DAZAP1: variants seen among roughly 807,000 people sequenced by gnomAD.
The protein encoded by DAZAP1 is DAZ-associated protein 1.
DAZAP1 carries 6 observed loss-of-function variants against 60.1 expected under a neutral mutation model. That is an observed-to-expected ratio of 0.10 (90% CI 0.05 to 0.20). DAZAP1 has a LOEUF of 0.20. Ranked by LOEUF, DAZAP1 falls within the 10% of genes least tolerant of loss-of-function variation. The pLI is 1.00. For missense variants in DAZAP1, 366 were observed against 560.4 expected (o/e 0.65, Z 3.50); for synonymous variants, 235 against 215.9 (o/e 1.09, Z -0.78).
Position 1,425,814 on chromosome 19 carries a change from G to T in DAZAP1, c.464-64G>T. 1 of 1,151,580 alleles carries T rather than the reference G, an allele frequency of 8.7e-7. No homozygotes were observed. Among genetic ancestry groups the T allele is most frequent in the African/African-American group, 1.5e-5 (1 of 65,878 alleles). 71.3% of individuals were successfully genotyped at this position (1,151,580 alleles called of 1,614,324 possible). A position where few individuals can be genotyped will look rare whatever the true frequency, so the allele number is the denominator to read the frequency against. On this transcript the variant is annotated intron_variant, in intron 6 of 11. Transcript: ENST00000233078. The surrounding 1 kb of genome is among the most constrained non-coding windows in gnomAD (Gnocchi z 5.4). ...GATCCCTCGGCCCGTCCCTAATACT[G>T]TTCATCATCCTGTTTTGTGTCACAA... is the stretch of plus-strand genomic sequence containing the variant.
At chr19:1,421,031 C>A in intron 4 of DAZAP1, 117 bp from the exon 5 acceptor site, 3 of 837,478 alleles carry the variant, frequency 3.6e-6, no homozygotes, top group Non-Finnish European at 5.9e-6. Context: ...GAGTGTTCTG[C>A]TCTGGCTTTC....
chr19:1,407,778 A>G lies in DAZAP1; in HGVS notation c.5A>G (p.Asn2Ser). The G allele has an allele frequency of 9.2e-7, 1 of 1,081,394 alleles. No homozygotes were observed. The highest frequency in any genetic ancestry group is 5.4e-5 in the Admixed American group (1 of 18,642). The allele number at this position is 1,081,394 out of a possible 1,614,324, so 67.0% of individuals were successfully genotyped here. ...AGCGTCGCCGCCGCCGCCGCCATGA[A>G]CAACTCGGGCGCCGACGAGATCGGG... M[N>S]NSGADEIGKL... is the part of the protein sequence containing the mutation. The change falls in exon 1 of 12, where the codon AAC becomes AGC. Residue 2 changes from asparagine (N) to serine (S), a missense_variant. Physicochemically the swap from Asn to Ser is conservative, Grantham distance 46 (BLOSUM62 1). Coordinates refer to ENST00000233078, the MANE Select transcript of DAZAP1 (RefSeq NM_018959.4).
At position 1,426,071 on chromosome 19, in the gene DAZAP1, C is replaced by G. The variant is rs2083297239; in HGVS notation, c.546+111C>G. On this transcript the variant is annotated intron_variant, in intron 7 of 11. Coordinates refer to ENST00000233078, the MANE Select transcript of DAZAP1 (RefSeq NM_018959.4). This position sits in a 1 kb window ranked among gnomAD's most constrained non-coding sequence, Gnocchi z 5.4. ...ACGGAAAGGGTCGGGCGAGTTCGTCCTGTGAACCTTTGCTGCGTGAGGTGG... is the reference window on the plus strand; with the variant it reads ...ACGGAAAGGGTCGGGCGAGTTCGTCGTGTGAACCTTTGCTGCGTGAGGTGG... 3 of 831,336 alleles carry G rather than the reference C, an allele frequency of 3.6e-6. No homozygotes were observed. Among genetic ancestry groups the G allele is most frequent in the Non-Finnish European group, 6.3e-6 (3 of 478,420 alleles). The allele number at this position is 831,336 out of a possible 1,614,324, so 51.5% of individuals were successfully genotyped here.
chr19:1,417,283 C>T lies in DAZAP1; in HGVS notation c.30-217C>T, dbSNP rs577071406. On this transcript the variant is annotated intron_variant, in intron 1 of 11. Transcript: ENST00000233078. The stretch of plus-strand genomic sequence containing the variant: ...GCGTGCGGCTCTGTGGCACGGTCCT[C>T]TCCCCATGGCAAGGATTGGGATCAT... 23 of 616,190 alleles carry T rather than the reference C, an allele frequency of 3.7e-5. No homozygotes were observed. The South Asian group carries it at 4.0e-4, about 11-fold the overall frequency. The allele number at this position is 616,190 out of a possible 1,614,324, so 38.2% of individuals were successfully genotyped here.
chr19:1,426,269 C>A lies in DAZAP1; in HGVS notation c.546+309C>A. The A allele has an allele frequency of 2.6e-6, 1 of 380,140 alleles. No homozygotes were observed. Among genetic ancestry groups the A allele is most frequent in the South Asian group, 2.5e-5 (1 of 40,122 alleles). The allele number at this position is 380,140 out of a possible 1,614,324, so 23.5% of individuals were successfully genotyped here. On this transcript the variant is annotated intron_variant, in intron 7 of 11. Transcript: ENST00000233078. The surrounding 1 kb of genome is among the most constrained non-coding windows in gnomAD (Gnocchi z 5.4). ...GGTGTTGGGGCTGGCTCCAGTGAAA[C>A]CGCAGCGTTGCCTCAGGCTTGGTTT...
Position 1,418,714 on chromosome 19 carries a change from C to A in DAZAP1, c.286C>A (p.Arg96=). The change falls in exon 4 of 12, where the codon CGG becomes AGG. Residue 96 remains arginine, a synonymous_variant. Transcript: ENST00000233078. The surrounding 1 kb of genome is among the most constrained non-coding windows in gnomAD (Gnocchi z 5.7). ...CCGGGGGATGCAGCCGGAGAGAACA[C>A]GGCCGAAGGAAGGATGGGTAAGGGG... ...TPRGMQPERT[R]PKEGWQKGPR... is the part of the protein sequence containing the mutation. 1 of 1,611,864 alleles carries A rather than the reference C, an allele frequency of 6.2e-7. No homozygotes were observed. Among genetic ancestry groups the A allele is most frequent in the Non-Finnish European group, 8.5e-7 (1 of 1,178,832 alleles).
Position 1,425,264 on chromosome 19 carries a change from A to G in DAZAP1, c.464-614A>G, listed in dbSNP as rs1240370919. On this transcript the variant is annotated intron_variant, in intron 6 of 11. Transcript: ENST00000233078. This position sits in a 1 kb window ranked among gnomAD's most constrained non-coding sequence, Gnocchi z 5.4. ...TAGCGAGGCACCAGCTATGATAGAT[A>G]CTGTATCTGTTAACGCTTTAGAACG... is the stretch of plus-strand genomic sequence containing the variant. Among the ~76,000 whole-genome samples the G allele has an allele frequency of 1.3e-5, 2 of 152,186 alleles. No individual in the cohort carries two copies. Among genetic ancestry groups the G allele is most frequent in the African/African-American group, 4.8e-5 (2 of 41,438 alleles).
At chr19:1,411,751 G>T (rs1015147596) in intron 1 of DAZAP1, among the ~76,000 whole-genome samples, 13 of 152,342 alleles carry the variant, frequency 8.5e-5, no homozygotes, top group Non-Finnish European at 1.9e-4. Context: ...TGGGCCCGGG[G>T]TCACCCCAGG....
At position 1,433,658 on chromosome 19, in the gene DAZAP1, C is replaced by T. The variant is rs550739774; in HGVS notation, c.1048+968C>T. The T allele has an allele frequency of 8.3e-6, 10 of 1,205,824 alleles. No individual in the cohort carries two copies. The highest frequency in any genetic ancestry group is 3.7e-5 in the South Asian group (3 of 80,856). The allele number at this position is 1,205,824 out of a possible 1,614,324, so 74.7% of individuals were successfully genotyped here. On this transcript the variant is annotated intron_variant, in intron 11 of 11. Transcript: ENST00000233078. The surrounding 1 kb of genome is among the most constrained non-coding windows in gnomAD (Gnocchi z 6.1). Reference sequence around the variant, plus strand: ...GACTGGCAGGGGGGTGTGAGGCGCCCGGTTGGGGCGTGGCGTGTGTCAGCC... The same window carrying T: ...GACTGGCAGGGGGGTGTGAGGCGCCTGGTTGGGGCGTGGCGTGTGTCAGCC...
chr19:1,430,897 A>G (rs11670759), intron 10 of DAZAP1, among the ~76,000 whole-genome samples: 6,163 of 150,346 alleles, frequency 0.041, 162 homozygotes, highest in South Asian at 0.082. Context: ...ATTTTTTTGT[A>G]TTTTTAGTAG....
intron 4 of DAZAP1, among the ~76,000 whole-genome samples, chr19:1,419,659 A>G (rs2083088823): frequency 6.6e-6 from 1 of 152,078 alleles, no homozygotes; most frequent in Non-Finnish European, 1.5e-5. Flanking sequence ...TCTGGTTATT[A>G]ATGTCTCTCT....
At position 1,434,514 on chromosome 19, in the gene DAZAP1, C is replaced by G; in HGVS notation, c.1049-223C>G. 3 of 521,316 alleles carry G rather than the reference C, an allele frequency of 5.8e-6. No homozygotes were observed. Among genetic ancestry groups the G allele is most frequent in the South Asian group, 4.7e-5 (2 of 42,826 alleles). The allele number at this position is 521,316 out of a possible 1,614,324, so 32.3% of individuals were successfully genotyped here. On this transcript the variant is annotated intron_variant, in intron 11 of 11. Transcript: ENST00000233078. This position sits in a 1 kb window ranked among gnomAD's most constrained non-coding sequence, Gnocchi z 8.0. ...GTGGGCCATGGAGGGCTCTGGAAGC[C>G]GCTTTTCTCTGTGTGTGCCCCTGCT... is the stretch of plus-strand genomic sequence containing the variant.
In DAZAP1 at chr19:1,423,242, C is replaced by T. The variant is rs775243243; in HGVS notation, c.463+846C>T. Among the ~76,000 whole-genome samples, 2 of 152,264 alleles carry T rather than the reference C, an allele frequency of 1.3e-5. No homozygotes were observed. The highest frequency in any genetic ancestry group is 1.5e-5 in the Non-Finnish European group (1 of 68,044). ...TTTGCCATTTGAACCTCCCTCCCCA[C>T]GGTTAGGAGTGCTCCTCCTCCATGT... On this transcript the variant is annotated intron_variant, in intron 6 of 11. Transcript: ENST00000233078. This position sits in a 1 kb window ranked among gnomAD's most constrained non-coding sequence, Gnocchi z 6.8.
Position 1,422,424 on chromosome 19 carries a change from C to T in DAZAP1, c.463+28C>T, listed in dbSNP as rs974108851. The T allele has an allele frequency of 5.0e-6, 8 of 1,609,806 alleles. No homozygotes were observed. The highest frequency in any genetic ancestry group is 4.2e-6 in the Non-Finnish European group (5 of 1,176,692). On this transcript the variant is annotated intron_variant, in intron 6 of 11. Transcript: ENST00000233078. This position sits in a 1 kb window ranked among gnomAD's most constrained non-coding sequence, Gnocchi z 4.5. ...AAGGGCAGATCTAGTTTGACCTCGGCCTTCTCCCTGCTCCTCCCTCAGATG... is the reference window on the plus strand; with the variant it reads ...AAGGGCAGATCTAGTTTGACCTCGGTCTTCTCCCTGCTCCTCCCTCAGATG...
rs554501521 is a variant in DAZAP1, at chr19:1,418,932, T to C, written c.303+201T>C. Among the ~76,000 whole-genome samples, 16 of 151,710 alleles carry C rather than the reference T, an allele frequency of 1.1e-4. No homozygotes were observed. Among genetic ancestry groups the C allele is most frequent in the African/African-American group, 3.9e-4 (16 of 41,314 alleles). On this transcript the variant is annotated intron_variant, in intron 4 of 11. Transcript: ENST00000233078. The surrounding 1 kb of genome is among the most constrained non-coding windows in gnomAD (Gnocchi z 5.7). ...AGCCAAGAAAATTCTTACTAATCTA[T>C]CTTAGGGAAAAAAAAAATGACAGCT...
chr19:1,413,158 A>G (rs1437120413), intron 1 of DAZAP1, among the ~76,000 whole-genome samples: 1 of 152,200 alleles, frequency 6.6e-6, no homozygotes, highest in Non-Finnish European at 1.5e-5. Context: ...GCCAAGGTGC[A>G]GGCTGAGCAA....
In DAZAP1 at chr19:1,433,934, G is replaced by A; in HGVS notation, c.1049-803G>A. 3 of 1,008,630 alleles carry A rather than the reference G, an allele frequency of 3.0e-6. No individual in the cohort carries two copies. The highest frequency in any genetic ancestry group is 4.6e-6 in the Non-Finnish European group (3 of 659,268). 62.5% of individuals were successfully genotyped at this position (1,008,630 alleles called of 1,614,324 possible). ...GGGGTGGACGCTGGCGGTGCCCTCT[G>A]GGAAGGGGCCCTTGCCGGTGCCAAG... On this transcript the variant is annotated intron_variant, in intron 11 of 11. Transcript: ENST00000233078. This position sits in a 1 kb window ranked among gnomAD's most constrained non-coding sequence, Gnocchi z 6.1.
In DAZAP1 at chr19:1,418,838, C is replaced by G. The variant is rs967158105; in HGVS notation, c.303+107C>G. 1.6e-5 allele frequency: 19 copies of G among 1,208,154 alleles called. No homozygotes were observed. The highest frequency in any genetic ancestry group is 2.2e-5 in the Non-Finnish European group (19 of 860,318). The allele number at this position is 1,208,154 out of a possible 1,614,324, so 74.8% of individuals were successfully genotyped here. A position where few individuals can be genotyped will look rare whatever the true frequency, so the allele number is the denominator to read the frequency against. On this transcript the variant is annotated intron_variant, in intron 4 of 11. Coordinates refer to ENST00000233078, the MANE Select transcript of DAZAP1 (RefSeq NM_018959.4). The surrounding 1 kb of genome is among the most constrained non-coding windows in gnomAD (Gnocchi z 5.7). ...TCGCTCGTTAAGATTGAGGGCGACG[C>G]AGGTCTTCTGGGTTGGCACTCGAGC...
rs763453549 is a variant in DAZAP1, at chr19:1,434,814, C to T, written c.1126C>T (p.Pro376Ser). ...CCAGCAGCCTCCTTCCTACGGGGGT[C>T]CCTCCGTGCCAGGGTCGGGGGGCCC... is the stretch of plus-strand genomic sequence containing the variant. ...PSQQPPSYGG[P>S]SVPGSGGPPA... The change falls in exon 12 of 12, where the codon CCC becomes TCC. Residue 376 changes from proline to serine, a missense_variant. Coordinates refer to ENST00000233078, the MANE Select transcript of DAZAP1 (RefSeq NM_018959.4). The surrounding 1 kb of genome is among the most constrained non-coding windows in gnomAD (Gnocchi z 8.0). 1.9e-6 allele frequency: 3 copies of T among 1,610,704 alleles called. No individual in the cohort carries two copies. Among genetic ancestry groups the T allele is most frequent in the East Asian group, 2.2e-5 (1 of 44,670 alleles).
Sources: gnomAD v4.1 joint callset for allele counts (sites outside exome capture counted in the v4.1 genomes callset) on GRCh38, gnomAD v4.1.1 for gene constraint, Gnocchi (gnomAD v3.1) non-coding constraint, MANE v1.5 for transcripts, NCBI Gene and HGNC (gene_info 2026-07-23, HGNC 2026-07-21) for gene names.